Variants in GTF2A1L observed in about 807,000 individuals in gnomAD.
GTF2A1L encodes the protein general transcription factor IIA subunit 1 like.
A neutral mutation model predicts 49.7 loss-of-function variants in GTF2A1L; 48 were observed. That is an observed-to-expected ratio of 0.97 (90% CI 0.77 to 1.23). GTF2A1L has a LOEUF of 1.23. GTF2A1L is among the 50% of genes most tolerant of loss of function. The pLI is 0.00. For missense variants in GTF2A1L, 736 were observed against 564.8 expected (o/e 1.30, Z -3.07); for synonymous variants, 246 against 193.5 (o/e 1.27, Z -2.25).
Position 48,679,484 on chromosome 2 carries a change from G to C in GTF2A1L, c.*42G>C. The stretch of plus-strand genomic sequence containing the variant: ...ACATCTATTTTGTGAACATCAGTTG[G>C]ATTATATTGCATATTGTGAATTCAT... On this transcript the variant is annotated 3_prime_UTR_variant, in exon 9 of 9. Coordinates refer to ENST00000403751, the MANE Select transcript of GTF2A1L (RefSeq NM_006872.5). The C allele has an allele frequency of 6.2e-7, 1 of 1,606,666 alleles. No individual in the cohort carries two copies.
intron 3 of GTF2A1L, among the ~76,000 whole-genome samples, chr2:48,639,511 G>C (rs1026923610): frequency 6.6e-6 from 1 of 152,060 alleles, no homozygotes; most frequent in Admixed American, 6.6e-5. Context: ...GAAGACTGAA[G>C]CTGGACCCCT....
At chr2:48,618,672 G>A (rs1035840543) in intron 1 of GTF2A1L, among the ~76,000 whole-genome samples, 1 of 152,150 alleles carries the variant, frequency 6.6e-6, no homozygotes. Context: ...TTATGATAGT[G>A]CGTTTTAAGA....
intron 6 of GTF2A1L, among the ~76,000 whole-genome samples, chr2:48,652,719 G>A (rs1317108294): frequency 6.6e-6 from 1 of 150,986 alleles, no homozygotes; most frequent in African/African-American, 2.4e-5. Flanking sequence ...TTTTGAGATG[G>A]AGTCTCGCTC....
intron 8 of GTF2A1L, among the ~76,000 whole-genome samples, chr2:48,675,025 A>G (rs1572784107): frequency 6.6e-6 from 1 of 152,108 alleles, no homozygotes; most frequent in East Asian, 1.9e-4. Context: ...GGGGTGAGGA[A>G]CACTGTTATA....
Position 48,646,571 on chromosome 2 carries a change from A to G in GTF2A1L, c.507A>G (p.Gln169=), listed in dbSNP as rs753900641. 1 of 1,614,200 alleles carries G rather than the reference A, an allele frequency of 6.2e-7. No individual in the cohort carries two copies. The highest frequency in any genetic ancestry group is 1.1e-5 in the South Asian group (1 of 91,084). Reference sequence around the variant, plus strand: ...AGCTTGGCCAGCCTTCAGTAATACAAACTAGTGTTCCACAATTGAATCCAT... The same window carrying G: ...AGCTTGGCCAGCCTTCAGTAATACAGACTAGTGTTCCACAATTGAATCCAT... ...FQQLGQPSVI[Q]TSVPQLNPWS... Residue 169 remains glutamine, a synonymous_variant, in exon 6 of 9, where the codon CAA becomes CAG. Coordinates refer to ENST00000403751, the MANE Select transcript of GTF2A1L (RefSeq NM_006872.5).
At chr2:48,637,050 G>A (rs928661449) in intron 3 of GTF2A1L, among the ~76,000 whole-genome samples, 1 of 152,176 alleles carries the variant, frequency 6.6e-6, no homozygotes, top group Non-Finnish European at 1.5e-5. Context: ...GATTGTTCTT[G>A]AACTTAGATG....
At chr2:48,676,294 T>G (rs1679462551) in intron 8 of GTF2A1L, among the ~76,000 whole-genome samples, 1 of 151,846 alleles carries the variant, frequency 6.6e-6, no homozygotes, top group Admixed American at 6.6e-5. Flanking sequence ...TTTTCAGTCT[T>G]TTGATTTGAA....
chr2:48,656,367 T>A (rs1033424299), intron 6 of GTF2A1L, among the ~76,000 whole-genome samples: 7 of 149,756 alleles, frequency 4.7e-5, no homozygotes, highest in Non-Finnish European at 8.9e-5. Context: ...TTTTTTTTTT[T>A]TTTTTTTTTT....
chr2:48,646,332 T>C lies in GTF2A1L; in HGVS notation c.389-121T>C, dbSNP rs1025273077. ...GAAAAACCCCTAGAGATAACCACCATTAACATATTGGTGTATTTTTTTCCA... is the reference window on the plus strand; with the variant it reads ...GAAAAACCCCTAGAGATAACCACCACTAACATATTGGTGTATTTTTTTCCA... On this transcript the variant is annotated intron_variant, in intron 5 of 8. Coordinates refer to ENST00000403751, the MANE Select transcript of GTF2A1L (RefSeq NM_006872.5). 79 of 844,576 alleles carry C rather than the reference T, an allele frequency of 9.4e-5. No individual in the cohort carries two copies. In the African/African-American group the frequency reaches 1.3e-3, roughly 14 times the overall value. The allele number at this position is 844,576 out of a possible 1,614,324, so 52.3% of individuals were successfully genotyped here.
Position 48,617,908 on chromosome 2 carries a change from T to A in GTF2A1L, c.21+13T>A. 6.4e-7 allele frequency: 1 copy of A among 1,551,750 alleles called. No individual in the cohort carries two copies. Among genetic ancestry groups the A allele is most frequent in the Non-Finnish European group, 8.7e-7 (1 of 1,146,982 alleles). On this transcript the variant is annotated intron_variant, in intron 1 of 8. Coordinates refer to ENST00000403751, the MANE Select transcript of GTF2A1L (RefSeq NM_006872.5). ...CCTCAACCCGGTGGTAAGGAAGACC[T>A]CAGGCTCTGTGTAGAGGGAGCGCCC...
intron 7 of GTF2A1L, among the ~76,000 whole-genome samples, chr2:48,671,346 G>A (rs1413855179): frequency 1.3e-5 from 2 of 151,900 alleles, no homozygotes; most frequent in Non-Finnish European, 1.5e-5. Context: ...GGGATTACAG[G>A]TGTGTGCCAC....
intron 3 of GTF2A1L, among the ~76,000 whole-genome samples, chr2:48,636,786 C>T (rs753365855): frequency 1.3e-4 from 20 of 152,144 alleles, no homozygotes; most frequent in Admixed American, 3.9e-4. Context: ...TTAATAATTA[C>T]CTCAGAATAA....
chr2:48,673,912 C>T (rs28666758), intron 8 of GTF2A1L, among the ~76,000 whole-genome samples: 77,837 of 151,790 alleles, frequency 0.51, 21,926 homozygotes, highest in East Asian at 0.92. Context: ...TCAGATAATC[C>T]TTTTATGGCC....
intron 3 of GTF2A1L, among the ~76,000 whole-genome samples, chr2:48,626,341 A>G (rs1010049681): frequency 7.0e-6 from 1 of 142,918 alleles, no homozygotes; most frequent in Non-Finnish European, 1.6e-5. Flanking sequence ...TCCCCTCTGA[A>G]TTGCTTTGGT....
At chr2:48,656,360 T>TG (rs1051972127) in intron 6 of GTF2A1L, among the ~76,000 whole-genome samples, 8 of 126,170 alleles carry the variant, frequency 6.3e-5, no homozygotes, top group African/African-American at 1.3e-4. Flanking sequence ...TTTTTTTTTT[T>TG]TTTTTTTTTT....
Position 48,617,888 on chromosome 2 carries a change from A to G in GTF2A1L, c.14A>G (p.Asn5Ser). 6.4e-6 allele frequency: 10 copies of G among 1,551,790 alleles called. No homozygotes were observed. The highest frequency in any genetic ancestry group is 8.7e-6 in the Non-Finnish European group (10 of 1,147,042). MACL[N>S]PVPKLYRSVI... ...GGAGGTGCTGTCATGGCCTGCCTCA[A>G]CCCGGTGGTAAGGAAGACCTCAGGC... The change falls in exon 1 of 9, where the codon AAC becomes AGC. Residue 5 changes from asparagine (N) to serine (S), a missense_variant. Coordinates refer to ENST00000403751, the MANE Select transcript of GTF2A1L (RefSeq NM_006872.5).
intron 3 of GTF2A1L, among the ~76,000 whole-genome samples, chr2:48,633,968 C>G (rs1291743691): frequency 6.6e-6 from 1 of 151,430 alleles, no homozygotes; most frequent in South Asian, 2.1e-4. Context: ...TTTTTGTTTT[C>G]TATTTGCTTG....
At chr2:48,661,247 C>CTTTTTTTTT (rs70946820) in intron 6 of GTF2A1L, among the ~76,000 whole-genome samples, 6 of 62,744 alleles carry the variant, frequency 9.6e-5, no homozygotes, top group African/African-American at 3.9e-4. Flanking sequence ...CATCCCCAAA[C>CTTTTTTTTT]TTTTTTTTTT....
At chr2:48,642,575 C>G in intron 4 of GTF2A1L, 118 bp downstream of exon 4, 1 of 997,634 alleles carries the variant, frequency 1.0e-6, no homozygotes, top group Non-Finnish European at 1.4e-6. Context: ...AAAGATGTGG[C>G]CGGGCGCGGT....
Sources: allele counts gnomAD v4.1 joint callset (sites outside exome capture counted in the v4.1 genomes callset), GRCh38; gene constraint gnomAD v4.1.1; transcripts MANE v1.5; gene names NCBI Gene and HGNC (gene_info 2026-07-23, HGNC 2026-07-21).